FCHO2: variants seen among roughly 807,000 people sequenced by gnomAD.
FCHO2 encodes the protein FCH and mu domain containing endocytic adaptor 2.
FCHO2 carries 43 observed loss-of-function variants against 114.1 expected under a neutral mutation model. The ratio of observed to expected loss-of-function variants is 0.38; its 90% confidence interval spans 0.30 to 0.49. FCHO2 has a LOEUF of 0.49. Among genes scored for constraint, FCHO2 ranks in the 20% least tolerant of loss-of-function variants. FCHO2 has a pLI of 0.97. For missense variants in FCHO2, 807 were observed against 950.4 expected, an observed-to-expected ratio of 0.85 and a Z score of 1.98; for synonymous variants, 293 against 315.2, an observed-to-expected ratio of 0.93 and a Z score of 0.75.
chr5:73,056,992 CTCTG>C (rs1170405375), intron 16 of FCHO2, among the ~76,000 whole-genome samples: 1 of 152,064 alleles, frequency 6.6e-6, no homozygotes, highest in African/African-American at 2.4e-5. Context: ...CAGGGTCTTA[CTCTG>C]TCTCTCAGGC....
chr5:72,997,228 C>G (rs1754167172), intron 5 of FCHO2: 2 of 1,151,974 alleles, frequency 1.7e-6, no homozygotes, highest in African/African-American at 1.5e-5. Flanking sequence ...CTGTCCGTTT[C>G]TTTGTACATT....
chr5:73,014,029 G>T (rs1350778216), intron 6 of FCHO2, among the ~76,000 whole-genome samples: 1 of 151,934 alleles, frequency 6.6e-6, no homozygotes, highest in Non-Finnish European at 1.5e-5. Flanking sequence ...GGCAAGCAGT[G>T]GTTTCCTCTC....
Position 73,088,128 on chromosome 5 carries a change from A to G in FCHO2, c.*38A>G. ...AGTGATGTGGCTTCAGGGATTACAA[A>G]CCTGCCATTCTGCATTATCTGTTCT... On this transcript the variant is annotated 3_prime_UTR_variant, in exon 26 of 26. Coordinates refer to ENST00000430046, the MANE Select transcript of FCHO2 (RefSeq NM_138782.3). 6.2e-7 allele frequency: 1 copy of G among 1,606,474 alleles called. No homozygotes were observed. The highest frequency in any genetic ancestry group is 8.5e-7 in the Non-Finnish European group (1 of 1,176,704).
chr5:73,088,868 A>G lies in FCHO2; in HGVS notation c.*778A>G, dbSNP rs529047472. The G allele has an allele frequency of 8.5e-5, 13 of 152,736 alleles. No homozygotes were observed. The highest frequency in any genetic ancestry group is 5.9e-4 in the Admixed American group (9 of 15,296). The allele number at this position is 152,736 out of a possible 1,614,324, so 9.5% of individuals were successfully genotyped here. ...ATGTGTGCCTTTTAAAACAATAACA[A>G]AAACCAGAGATGTGCCTATACAATT... On this transcript the variant is annotated 3_prime_UTR_variant, in exon 26 of 26. Coordinates refer to ENST00000430046, the MANE Select transcript of FCHO2 (RefSeq NM_138782.3).
chr5:73,020,804 G>A, intron 8 of FCHO2: 1 of 928,218 alleles, frequency 1.1e-6, no homozygotes, highest in Non-Finnish European at 1.8e-6. Flanking sequence ...TCAGCCTCTT[G>A]AATGGTCCTG....
chr5:73,082,009 C>A, intron 23 of FCHO2, 27 bp downstream of exon 23: 1 of 1,401,030 alleles, frequency 7.1e-7, no homozygotes, highest in South Asian at 1.8e-5. Context: ...TTTCTGAATT[C>A]CCACTAAATT....
Position 73,085,984 on chromosome 5 carries a change from T to G in FCHO2, c.2246-1605T>G, listed in dbSNP as rs543854286. ...CTAAAAATACAGAATTAGCCAGGCA[T>G]GGTGGTGTGCGCCTGTAATCCCAGA... On this transcript the variant is annotated intron_variant, in intron 24 of 25. Coordinates refer to ENST00000430046, the MANE Select transcript of FCHO2 (RefSeq NM_138782.3). 6.9e-4 allele frequency among the ~76,000 whole-genome samples: 105 copies of G among 151,728 alleles called. 1 individual carries two copies. Among genetic ancestry groups the G allele is most frequent in the African/African-American group, 2.5e-3 (103 of 41,372 alleles).
intron 6 of FCHO2, among the ~76,000 whole-genome samples, chr5:73,013,541 T>G (rs1242965673): frequency 6.6e-6 from 1 of 152,206 alleles, no homozygotes; most frequent in East Asian, 1.9e-4. Context: ...TGAGGACTAT[T>G]ATTGCTCTGT....
At chr5:73,074,654 T>C in intron 19 of FCHO2, 88 bp from the exon 20 acceptor site, 1 of 1,253,798 alleles carries the variant, frequency 8.0e-7, no homozygotes, top group Non-Finnish European at 1.1e-6. Flanking sequence ...GGGTCGTTTG[T>C]GACAGCCTAA....
At chr5:72,956,210 C>T (rs1751523812) in intron 1 of FCHO2, 81 bp downstream of exon 1, 2 of 1,441,880 alleles carry the variant, frequency 1.4e-6, no homozygotes, top group African/African-American at 1.5e-5. Flanking sequence ...GCGCTTCGGG[C>T]GGCGGCGGCG....
rs191167990 is a variant in FCHO2 at position 73,061,749 on chromosome 5, G to A, written c.1346-2092G>A. Among the ~76,000 whole-genome samples the A allele has an allele frequency of 5.3e-5, 8 of 152,160 alleles. No individual in the cohort carries two copies. In the East Asian group the frequency reaches 1.5e-3, roughly 29 times the overall value. On this transcript the variant is annotated intron_variant, in intron 17 of 25. Transcript: ENST00000430046. ...TAATAGCTCCAGTGTTGCTCAGAAG[G>A]CATTCCAGAGATTGCATTGTAAAGC...
intron 17 of FCHO2, 63 bp from the exon 18 acceptor site, chr5:73,063,778 C>G: frequency 7.0e-7 from 1 of 1,424,956 alleles, no homozygotes; most frequent in Non-Finnish European, 9.7e-7. Flanking sequence ...AATAGAATGT[C>G]TTTATGTAAG....
Position 73,034,645 on chromosome 5 carries a change from CT to C in FCHO2, c.797-5del, listed in dbSNP as rs747401109. The stretch of plus-strand genomic sequence containing the variant: ...TTTTCTACTAGAAGTTTTTCAATTT[CT>C]TTTTTTCCAGGCCTCATTGAATTTG... On this transcript the variant is annotated splice_polypyrimidine_tract_variant and intron_variant, in intron 8 of 25. Transcript: ENST00000430046. 5 of 1,575,800 alleles carry C rather than the reference CT, an allele frequency of 3.2e-6. No individual in the cohort carries two copies. Among genetic ancestry groups the C allele is most frequent in the African/African-American group, 2.8e-5 (2 of 72,608 alleles).
chr5:73,017,270 A>T lies in FCHO2; in HGVS notation c.758A>T (p.Lys253Ile), dbSNP rs1350900769. ...ACTACAGTTGAAAGTTTGATACAAA[A>T]ATTTGCTGAGTCAAAAGGCACTGGG... ...ANTTVESLIQ[K>I]FAESKGTGKE... The change falls in exon 8 of 26, where the codon AAA (lysine) becomes ATA (isoleucine). Residue 253 changes from lysine (K) to isoleucine (I), a missense_variant. Transcript: ENST00000430046. The T allele has an allele frequency of 6.4e-7, 1 of 1,567,482 alleles. No homozygotes were observed. The highest frequency in any genetic ancestry group is 1.4e-5 in the African/African-American group (1 of 73,624).
chr5:73,024,899 A>G (rs1353059636), intron 8 of FCHO2, among the ~76,000 whole-genome samples: 1 of 152,192 alleles, frequency 6.6e-6, no homozygotes, highest in East Asian at 1.9e-4. Flanking sequence ...GTAGCCACTA[A>G]TGTAGTTTCA....
intron 16 of FCHO2, among the ~76,000 whole-genome samples, chr5:73,057,014 C>T (rs1397372357): frequency 6.6e-6 from 1 of 152,060 alleles, no homozygotes; most frequent in Non-Finnish European, 1.5e-5. Flanking sequence ...GGCTGGAGTG[C>T]AGTGGCGTGA....
intron 1 of FCHO2, among the ~76,000 whole-genome samples, chr5:72,967,281 T>C (rs900037868): frequency 6.6e-6 from 1 of 152,210 alleles, no homozygotes; most frequent in Non-Finnish European, 1.5e-5. Context: ...TGAGACTGTC[T>C]CAAAAACAAA....
chr5:72,976,071 A>G (rs940855991), intron 2 of FCHO2, among the ~76,000 whole-genome samples: 2 of 152,202 alleles, frequency 1.3e-5, no homozygotes, highest in African/African-American at 4.8e-5. Context: ...AAGTGACAAT[A>G]CCATTTTGCA....
At chr5:73,053,930 A>G (rs888542319) in intron 13 of FCHO2, among the ~76,000 whole-genome samples, 2 of 152,196 alleles carry the variant, frequency 1.3e-5, no homozygotes, top group African/African-American at 4.8e-5. Flanking sequence ...ATTTCATACT[A>G]TGAAAATAAT....
Sources: gnomAD v4.1 joint callset for allele counts (sites outside exome capture counted in the v4.1 genomes callset) on GRCh38, gnomAD v4.1.1 for gene constraint, MANE v1.5 for transcripts, NCBI Gene and HGNC (gene_info 2026-07-23, HGNC 2026-07-21) for gene names.